The following STAC variants were observed in gnomAD, a reference collection of about 807,000 sequenced individuals.
STAC encodes the protein SH3 and cysteine-rich domain-containing protein.
Under a neutral mutation model 48.8 loss-of-function variants are expected in STAC, and 43 were observed. That is an observed-to-expected ratio of 0.88 (90% CI 0.69 to 1.14). The LOEUF is 1.14. STAC is among the 50% of genes most tolerant of loss of function. The pLI, the probability that STAC is intolerant of heterozygous loss-of-function variation, is 0.00. For synonymous variants in STAC, 193 were observed against 179.5 expected, an observed-to-expected ratio of 1.07 and a Z score of -0.60; for missense variants, 497 against 504.0, an observed-to-expected ratio of 0.99 and a Z score of 0.13.
chr3:36,492,417 C>A (rs1396557613), intron 5 of STAC, among the ~76,000 whole-genome samples: 1 of 152,080 alleles, frequency 6.6e-6, no homozygotes, highest in South Asian at 2.1e-4. Flanking sequence ...AACTATGGGG[C>A]CTCAAACAGA....
At chr3:36,436,014 T>C (rs1700824178) in intron 1 of STAC, among the ~76,000 whole-genome samples, 2 of 152,170 alleles carry the variant, frequency 1.3e-5, no homozygotes, top group Non-Finnish European at 1.5e-5. Context: ...TCACTGCCTG[T>C]GTAGTGATTT....
chr3:36,450,637 T>G (rs925062483), intron 2 of STAC, among the ~76,000 whole-genome samples: 2 of 152,226 alleles, frequency 1.3e-5, no homozygotes, highest in African/African-American at 4.8e-5. Flanking sequence ...GCGATTCTCC[T>G]GCCTCAGCCT....
chr3:36,414,882 T>C (rs192427278), intron 1 of STAC, among the ~76,000 whole-genome samples: 2,741 of 152,278 alleles, frequency 0.018, 49 homozygotes, highest in Non-Finnish European at 0.025. Context: ...AGTTTTCCTT[T>C]TAACACTCAG....
At chr3:36,539,147 C>T (rs547922626) in intron 10 of STAC, among the ~76,000 whole-genome samples, 50 of 152,190 alleles carry the variant, frequency 3.3e-4, no homozygotes, top group Admixed American at 1.0e-3. Flanking sequence ...ATTTATTTCC[C>T]GGTAGACTTT....
intron 2 of STAC, among the ~76,000 whole-genome samples, chr3:36,450,925 T>C (rs990950711): frequency 2.0e-5 from 3 of 152,260 alleles, no homozygotes; most frequent in Non-Finnish European, 2.9e-5. Flanking sequence ...GGCCTTTATC[T>C]ACATTTACAC....
At position 36,493,218 on chromosome 3, in the gene STAC, G is replaced by T; in HGVS notation, c.755G>T (p.Arg252Leu). The T allele has an allele frequency of 6.2e-7, 1 of 1,613,150 alleles. No individual in the cohort carries two copies. ...GPGGGYDLRK[R>L]SNSVFTYPEN... ...GGAGGCGGGTATGACCTAAGGAAACGCAGCAACAGCGGTGAGTGAGGGAGT... is the reference window on the plus strand; with the variant it reads ...GGAGGCGGGTATGACCTAAGGAAACTCAGCAACAGCGGTGAGTGAGGGAGT... Residue 252 changes from arginine to leucine, a missense_variant, in exon 6 of 11, where the codon CGC becomes CTC. Transcript: ENST00000273183.
intron 10 of STAC, among the ~76,000 whole-genome samples, chr3:36,543,941 C>A (rs1699385981): frequency 6.6e-6 from 1 of 152,124 alleles, no homozygotes; most frequent in South Asian, 2.1e-4. Context: ...AACATGTTTT[C>A]ATGGTTCATG....
rs908155986 is a variant in STAC at position 36,504,576 on chromosome 3, T to C, written c.831+119T>C. The C allele has an allele frequency of 4.9e-5, 37 of 753,732 alleles. No individual in the cohort carries two copies. The East Asian group carries it at 6.1e-4, about 12-fold the overall frequency. The allele number at this position is 753,732 out of a possible 1,614,324, so 46.7% of individuals were successfully genotyped here. On this transcript the variant is annotated intron_variant, in intron 7 of 10. Coordinates refer to ENST00000273183, the MANE Select transcript of STAC (RefSeq NM_003149.3). ...AGTCCAGACCAGCATCTTTAGAGAA[T>C]AGAATAATATAGCACAACGTACCAT...
At chr3:36,415,983 G>C (rs905863829) in intron 1 of STAC, among the ~76,000 whole-genome samples, 1 of 152,002 alleles carries the variant, frequency 6.6e-6, no homozygotes, top group Non-Finnish European at 1.5e-5. Flanking sequence ...TAACATTCTT[G>C]TGGCTTTCTA....
intron 1 of STAC, among the ~76,000 whole-genome samples, 169 bp downstream of exon 1, chr3:36,380,923 A>AC (rs1699496855): frequency 9.1e-6 from 1 of 109,536 alleles, no homozygotes; most frequent in Non-Finnish European, 2.3e-5. Context: ...ACGATGCTGG[A>AC]CCACGTCCCT....
intron 8 of STAC, among the ~76,000 whole-genome samples, chr3:36,524,443 T>C (rs1698880414): frequency 6.6e-6 from 1 of 151,784 alleles, no homozygotes; most frequent in Non-Finnish European, 1.5e-5. Context: ...AATACAAAAA[T>C]CAGCCAGGCA....
chr3:36,502,086 C>T (rs888629443), intron 6 of STAC, among the ~76,000 whole-genome samples: 2 of 152,038 alleles, frequency 1.3e-5, no homozygotes, highest in African/African-American at 4.8e-5. Flanking sequence ...TGGTCTTGGG[C>T]CTCACAGGTC....
intron 8 of STAC, among the ~76,000 whole-genome samples, chr3:36,523,778 C>T (rs1698860977): frequency 6.6e-6 from 1 of 152,190 alleles, no homozygotes; most frequent in Admixed American, 6.5e-5. Context: ...AGCATTAGGC[C>T]ACCATTCCTT....
At chr3:36,442,011 A>G (rs1431354465) in intron 1 of STAC, among the ~76,000 whole-genome samples, 14 of 152,102 alleles carry the variant, frequency 9.2e-5, no homozygotes, top group Admixed American at 9.2e-4. Context: ...TGTCTGATGC[A>G]TATTGTGCAA....
intron 10 of STAC, among the ~76,000 whole-genome samples, chr3:36,538,240 A>T (rs1362324097): frequency 6.6e-6 from 1 of 152,174 alleles, no homozygotes; most frequent in Admixed American, 6.6e-5. Context: ...AGCTAAATTT[A>T]TTCATATATA....
Position 36,511,462 on chromosome 3 carries a change from G to A in STAC, c.920+5628G>A, listed in dbSNP as rs1698535771. The stretch of plus-strand genomic sequence containing the variant: ...CAAAATGTGAGTAATCTCATGACAG[G>A]GGTCTCTGTGTTTTCCCATCCTAGA... On this transcript the variant is annotated intron_variant, in intron 8 of 10. Coordinates refer to ENST00000273183, the MANE Select transcript of STAC (RefSeq NM_003149.3). Among the ~76,000 whole-genome samples, 3 of 152,172 alleles carry A rather than the reference G, an allele frequency of 2.0e-5. No homozygotes were observed. The South Asian group carries it at 6.2e-4, about 32-fold the overall frequency.
chr3:36,431,834 T>C (rs1307255558), intron 1 of STAC, among the ~76,000 whole-genome samples: 1 of 152,200 alleles, frequency 6.6e-6, no homozygotes, highest in Non-Finnish European at 1.5e-5. Flanking sequence ...TCCTTTTCTA[T>C]TACTGCTTGT....
intron 2 of STAC, among the ~76,000 whole-genome samples, chr3:36,478,718 C>A (rs1697559949): frequency 6.6e-6 from 1 of 152,024 alleles, no homozygotes; most frequent in South Asian, 2.1e-4. Flanking sequence ...AAACTCCTGA[C>A]CTCAAGTGAT....
chr3:36,482,004 A>G (rs969654897), intron 2 of STAC, among the ~76,000 whole-genome samples: 2 of 152,220 alleles, frequency 1.3e-5, no homozygotes, highest in Non-Finnish European at 1.5e-5. Flanking sequence ...TACTCTCTCC[A>G]CTACCTCACC....
Sources: gnomAD v4.1 joint callset for allele counts (sites outside exome capture counted in the v4.1 genomes callset) on GRCh38, gnomAD v4.1.1 for gene constraint, MANE v1.5 for transcripts, NCBI Gene and HGNC (gene_info 2026-07-23, HGNC 2026-07-21) for gene names.